ST6GALNAC3: variants seen among roughly 807,000 people sequenced by gnomAD.
ST6GALNAC3 encodes the protein ST6 N-acetylgalactosaminide alpha-2,6-sialyltransferase 3.
A neutral mutation model predicts 32.7 loss-of-function variants in ST6GALNAC3; 25 were observed. That is an observed-to-expected ratio of 0.76 (90% CI 0.56 to 1.07). The LOEUF is 1.07. Among genes scored for constraint, ST6GALNAC3 ranks in the 50% least tolerant of loss-of-function variants. ST6GALNAC3 has a pLI of 0.00. For synonymous variants in ST6GALNAC3, 129 were observed against 133.1 expected, an observed-to-expected ratio of 0.97 and a Z score of 0.21; for missense variants, 355 against 382.4, an observed-to-expected ratio of 0.93 and a Z score of 0.60.
chr1:76,598,621 A>G (rs768603059), intron 3 of ST6GALNAC3, among the ~76,000 whole-genome samples: 4 of 152,080 alleles, frequency 2.6e-5, no homozygotes, highest in Non-Finnish European at 4.4e-5. Flanking sequence ...AAAGTAAAAT[A>G]CCTTCCAAGC....
At chr1:76,573,401 G>A (rs573767799) in intron 3 of ST6GALNAC3, among the ~76,000 whole-genome samples, 20 of 152,160 alleles carry the variant, frequency 1.3e-4, no homozygotes, top group African/African-American at 4.8e-4. Context: ...AACACCCAGA[G>A]TGGTGTTCTT....
At chr1:76,167,502 C>T (rs1035659710) in intron 1 of ST6GALNAC3, among the ~76,000 whole-genome samples, 1 of 152,146 alleles carries the variant, frequency 6.6e-6, no homozygotes, top group Non-Finnish European at 1.5e-5. Context: ...ATGCTGGCCT[C>T]ATAGAATGAG....
At chr1:76,530,288 G>T (rs1286569395) in intron 3 of ST6GALNAC3, among the ~76,000 whole-genome samples, 1 of 152,120 alleles carries the variant, frequency 6.6e-6, no homozygotes, top group Non-Finnish European at 1.5e-5. Flanking sequence ...CTGATTAATC[G>T]TAGTACTTCT....
intron 2 of ST6GALNAC3, among the ~76,000 whole-genome samples, chr1:76,396,673 G>T (rs1325294): frequency 0.63 from 96,371 of 151,924 alleles, 31,314 homozygotes; most frequent in South Asian, 0.81. Flanking sequence ...AATTTGCTTT[G>T]TTGATGCCAC....
chr1:76,191,706 G>T (rs1353314881), intron 1 of ST6GALNAC3, among the ~76,000 whole-genome samples: 1 of 152,068 alleles, frequency 6.6e-6, no homozygotes, highest in Non-Finnish European at 1.5e-5. Flanking sequence ...AAGAAGAGGT[G>T]GCTGAGGTCC....
intron 1 of ST6GALNAC3, among the ~76,000 whole-genome samples, chr1:76,122,195 T>C (rs746700832): frequency 6.6e-6 from 1 of 152,212 alleles, no homozygotes; most frequent in Non-Finnish European, 1.5e-5. Context: ...GAAACTGGAA[T>C]GATTACTTGC....
At chr1:76,557,209 C>T (rs889178282) in intron 3 of ST6GALNAC3, among the ~76,000 whole-genome samples, 1 of 151,988 alleles carries the variant, frequency 6.6e-6, no homozygotes, top group Non-Finnish European at 1.5e-5. Flanking sequence ...TATTTTGGGA[C>T]TCTTAAGTTT....
At chr1:76,452,363 G>T (rs1186606158) in intron 3 of ST6GALNAC3, among the ~76,000 whole-genome samples, 2 of 152,140 alleles carry the variant, frequency 1.3e-5, no homozygotes, top group Non-Finnish European at 1.5e-5. Context: ...TCTTTTTCCA[G>T]TATAAATTAC....
chr1:76,259,399 C>T (rs974721081), intron 1 of ST6GALNAC3, among the ~76,000 whole-genome samples: 2 of 152,188 alleles, frequency 1.3e-5, no homozygotes, highest in South Asian at 2.1e-4. Flanking sequence ...ATTACTTGAT[C>T]TTTCTGTGTC....
At chr1:76,143,640 A>C (rs1358250279) in intron 1 of ST6GALNAC3, among the ~76,000 whole-genome samples, 1 of 152,208 alleles carries the variant, frequency 6.6e-6, no homozygotes, top group Non-Finnish European at 1.5e-5. Context: ...AATATTTTCC[A>C]AACAATTCAA....
At chr1:76,274,203 A>ACC (rs1266182383) in intron 1 of ST6GALNAC3, among the ~76,000 whole-genome samples, 1 of 152,226 alleles carries the variant, frequency 6.6e-6, no homozygotes, top group Non-Finnish European at 1.5e-5. Context: ...GGTACATTAT[A>ACC]CATTTATATA....
chr1:76,211,791 G>C (rs573713313), intron 1 of ST6GALNAC3, among the ~76,000 whole-genome samples: 7 of 151,620 alleles, frequency 4.6e-5, no homozygotes, highest in South Asian at 4.2e-4. Flanking sequence ...GTTGTGGGGT[G>C]GGGGGAGCGG....
At chr1:76,576,736 C>A in intron 3 of ST6GALNAC3, 1 of 838,122 alleles carries the variant, frequency 1.2e-6, no homozygotes. Flanking sequence ...CCTGATTAAT[C>A]AGTTTCACAG....
At chr1:76,187,272 G>T (rs4949697) in intron 1 of ST6GALNAC3, among the ~76,000 whole-genome samples, 78,606 of 152,012 alleles carry the variant, frequency 0.52, 22,918 homozygotes, top group East Asian at 0.88. Flanking sequence ...TACCTTGGTT[G>T]TTTTCCATCC....
At chr1:76,225,739 A>G (rs1557709494) in intron 1 of ST6GALNAC3, among the ~76,000 whole-genome samples, 1 of 152,206 alleles carries the variant, frequency 6.6e-6, no homozygotes, top group South Asian at 2.1e-4. Flanking sequence ...CATGAGTTGC[A>G]CAATAGAGAT....
chr1:76,304,519 G>A (rs1330224333), intron 1 of ST6GALNAC3, among the ~76,000 whole-genome samples: 1 of 151,988 alleles, frequency 6.6e-6, no homozygotes, highest in Non-Finnish European at 1.5e-5. Context: ...AGGGGGCCAG[G>A]AGGAGCAGCA....
chr1:76,517,386 TGTCA>T (rs1662237746), intron 3 of ST6GALNAC3, among the ~76,000 whole-genome samples: 1 of 151,902 alleles, frequency 6.6e-6, no homozygotes, highest in African/African-American at 2.4e-5. Context: ...GTTTTATTTT[TGTCA>T]TATAGTCAAG....
At chr1:76,351,920 T>C (rs188056413) in intron 2 of ST6GALNAC3, among the ~76,000 whole-genome samples, 16 of 152,216 alleles carry the variant, frequency 1.1e-4, no homozygotes, top group Admixed American at 1.0e-3. Context: ...TGAAAATTCA[T>C]GTTGAGGAGG....
chr1:76,380,658 G>A (rs899829319), intron 2 of ST6GALNAC3, among the ~76,000 whole-genome samples: 1 of 152,180 alleles, frequency 6.6e-6, no homozygotes, highest in Non-Finnish European at 1.5e-5. Context: ...AAATGTGGAT[G>A]CGTCTCACAA....
Sources: gnomAD v4.1 joint callset for allele counts (sites outside exome capture counted in the v4.1 genomes callset) on GRCh38, gnomAD v4.1.1 for gene constraint, MANE v1.5 for transcripts, NCBI Gene and HGNC (gene_info 2026-07-23, HGNC 2026-07-21) for gene names.